Variants in CDH18 observed in about 807,000 individuals in gnomAD.
CDH18 encodes the protein cadherin 18, also known as cadherin-18.
A neutral mutation model predicts 67.9 loss-of-function variants in CDH18; 31 were observed. That is an observed-to-expected ratio of 0.46 (90% CI 0.34 to 0.62). The LOEUF (loss-of-function observed/expected upper bound fraction) is 0.62, where lower values mean the gene tolerates loss of function less well. CDH18 is among the 20% of genes least tolerant of loss of function. CDH18 has a pLI of 0.01. For synonymous variants in CDH18, 362 were observed against 347.2 expected, an observed-to-expected ratio of 1.04 and a Z score of -0.48; for missense variants, 890 against 975.5, an observed-to-expected ratio of 0.91 and a Z score of 1.17.
chr5:20,092,818 T>G (rs1000505646), intron 2 of CDH18, among the ~76,000 whole-genome samples: 6 of 152,124 alleles, frequency 3.9e-5, no homozygotes, highest in Admixed American at 3.3e-4. Flanking sequence ...AGCAAGTTCA[T>G]GTTTATACCA....
intron 2 of CDH18, among the ~76,000 whole-genome samples, chr5:20,242,632 A>ATATATG (rs1561906057): frequency 7.9e-6 from 1 of 127,298 alleles, no homozygotes; most frequent in Admixed American, 8.1e-5. Context: ...ATATATATAT[A>ATATATG]TGTATATATA....
intron 8 of CDH18, among the ~76,000 whole-genome samples, chr5:19,564,023 C>G (rs1739929809): frequency 6.6e-6 from 1 of 152,180 alleles, no homozygotes; most frequent in Non-Finnish European, 1.5e-5. Context: ...ATGGAGTAAG[C>G]CTTTAGACCA....
intron 2 of CDH18, among the ~76,000 whole-genome samples, chr5:19,966,043 C>A (rs973389853): frequency 6.6e-6 from 1 of 152,032 alleles, no homozygotes; most frequent in South Asian, 2.1e-4. Flanking sequence ...GGAGAGAAAA[C>A]GAATAAATTT....
chr5:19,823,819 T>C (rs1780136878), intron 3 of CDH18, among the ~76,000 whole-genome samples: 1 of 152,158 alleles, frequency 6.6e-6, no homozygotes, highest in Non-Finnish European at 1.5e-5. Context: ...ATCAACCACA[T>C]GCTTGGTCAT....
intron 1 of CDH18, among the ~76,000 whole-genome samples, chr5:20,332,341 T>A (rs1241521755): frequency 6.6e-6 from 1 of 152,242 alleles, no homozygotes. Flanking sequence ...CTTTTCACAA[T>A]TCTTAAGTGA....
At chr5:19,719,953 GAAA>G (rs1765853240) in intron 5 of CDH18, among the ~76,000 whole-genome samples, 2 of 150,058 alleles carry the variant, frequency 1.3e-5, no homozygotes, top group Admixed American at 6.6e-5. Flanking sequence ...AAGAAAGAAA[GAAA>G]GAAGGAAAGA....
At chr5:19,490,771 G>A (rs1741337630) in intron 11 of CDH18, among the ~76,000 whole-genome samples, 1 of 151,966 alleles carries the variant, frequency 6.6e-6, no homozygotes, top group African/African-American at 2.4e-5. Context: ...TAGTGAATAT[G>A]AGTCAGTTTT....
In CDH18 at chr5:19,516,789, C is replaced by A. The variant is rs564791585; in HGVS notation, c.1512+3868G>T. 2.2e-3 allele frequency among the ~76,000 whole-genome samples: 331 copies of A among 151,162 alleles called. 11 individuals carry two copies. The highest frequency in any genetic ancestry group is 0.021 in the Admixed American group (325 of 15,170). The stretch of plus-strand genomic sequence containing the variant: ...GGTCTCTCAATTTTGTTGATCTTTT[C>A]AAAAAAAACAAGCTCCTGGATTCAT... On this transcript the variant is annotated intron_variant, in intron 10 of 12. Coordinates refer to ENST00000382275, the MANE Select transcript of CDH18 (RefSeq NM_004934.5).
chr5:19,537,154 T>G lies in CDH18; in HGVS notation c.1390+6715A>C, dbSNP rs140156260. ...CAGTCTTTCATATTGTTAGTGGGCCTCATTCAATCAGTTGAAGGCCTGACT... is the reference window on the plus strand; with the variant it reads ...CAGTCTTTCATATTGTTAGTGGGCCGCATTCAATCAGTTGAAGGCCTGACT... On this transcript the variant is annotated intron_variant, in intron 9 of 12. Transcript: ENST00000382275. Among the ~76,000 whole-genome samples, 1,056 of 152,238 alleles carry G rather than the reference T, an allele frequency of 6.9e-3. 4 individuals are homozygous for G. The highest frequency in any genetic ancestry group is 0.011 in the Non-Finnish European group (717 of 68,018).
In CDH18 at chr5:19,719,672, T is replaced by C. The variant is rs187617646; in HGVS notation, c.643+1675A>G. On this transcript the variant is annotated intron_variant, in intron 5 of 12. Coordinates refer to ENST00000382275, the MANE Select transcript of CDH18 (RefSeq NM_004934.5). Reference sequence around the variant, plus strand: ...GAACCTGCAGGTCTCATACTCATTTTAAGTTGCATTATGTTATTTATTTTA... The same window carrying C: ...GAACCTGCAGGTCTCATACTCATTTCAAGTTGCATTATGTTATTTATTTTA... Among the ~76,000 whole-genome samples the C allele has an allele frequency of 2.5e-3, 377 of 152,112 alleles. 1 individual carries two copies. Among genetic ancestry groups the C allele is most frequent in the Non-Finnish European group, 3.9e-3 (262 of 67,906 alleles).
chr5:20,010,432 C>A (rs1737323494), intron 2 of CDH18, among the ~76,000 whole-genome samples: 1 of 151,944 alleles, frequency 6.6e-6, no homozygotes, highest in Non-Finnish European at 1.5e-5. Flanking sequence ...TGTTCTTGAA[C>A]TCCTGGCTTC....
chr5:19,530,331 T>C (rs995953438), intron 9 of CDH18, among the ~76,000 whole-genome samples: 1 of 151,866 alleles, frequency 6.6e-6, no homozygotes, highest in Non-Finnish European at 1.5e-5. Flanking sequence ...TATATAAAAC[T>C]AATAAAGGAA....
chr5:19,613,569 T>C (rs1749345515), intron 5 of CDH18, among the ~76,000 whole-genome samples: 1 of 152,142 alleles, frequency 6.6e-6, no homozygotes, highest in Non-Finnish European at 1.5e-5. Context: ...AAGAGGGACG[T>C]TTAACATTTT....
At chr5:19,978,409 T>A (rs1436299005) in intron 2 of CDH18, among the ~76,000 whole-genome samples, 2 of 152,166 alleles carry the variant, frequency 1.3e-5, no homozygotes, top group Admixed American at 6.6e-5. Context: ...AATAACATTC[T>A]ATATGTTTCT....
chr5:19,515,959 C>T (rs1310101488), intron 10 of CDH18, among the ~76,000 whole-genome samples: 4 of 152,138 alleles, frequency 2.6e-5, no homozygotes, highest in Admixed American at 6.5e-5. Context: ...AGTTTTTGCC[C>T]ATTCAGTATG....
chr5:19,853,752 AGAG>A (rs1783966550), intron 2 of CDH18, among the ~76,000 whole-genome samples: 1 of 152,112 alleles, frequency 6.6e-6, no homozygotes, highest in African/African-American at 2.4e-5. Context: ...ATCGTTCACC[AGAG>A]GAGGCAAGAT....
chr5:19,769,134 A>C (rs1322443051), intron 3 of CDH18, among the ~76,000 whole-genome samples: 1 of 152,036 alleles, frequency 6.6e-6, no homozygotes, highest in Non-Finnish European at 1.5e-5. Flanking sequence ...AAGGAGACAG[A>C]AAGAACACTT....
intron 2 of CDH18, among the ~76,000 whole-genome samples, chr5:20,086,938 T>C (rs967627436): frequency 1.3e-5 from 2 of 152,166 alleles, no homozygotes; most frequent in African/African-American, 4.8e-5. Context: ...AAGAAATGCA[T>C]TCCTTAATGC....
chr5:19,866,609 C>A (rs915504697), intron 2 of CDH18, among the ~76,000 whole-genome samples: 2 of 152,022 alleles, frequency 1.3e-5, no homozygotes, highest in African/African-American at 4.8e-5. Context: ...AAAAGAAATC[C>A]CTATTCTGGG....
Sources: gnomAD v4.1 joint callset for allele counts (sites outside exome capture counted in the v4.1 genomes callset) on GRCh38, gnomAD v4.1.1 for gene constraint, MANE v1.5 for transcripts, NCBI Gene and HGNC (gene_info 2026-07-23, HGNC 2026-07-21) for gene names.